ALG5: variants seen among roughly 807,000 people sequenced by gnomAD.
The protein encoded by ALG5 is ALG5 dolichyl-phosphate beta-glucosyltransferase, also known as dolichyl-phosphate beta-glucosyltransferase.
In ALG5, 26 loss-of-function variants were observed where a neutral mutation model predicts 51.8. The observed-to-expected ratio is 0.50, with a 90% CI of 0.37 to 0.70. ALG5 has a LOEUF of 0.70. ALG5 is among the 30% of genes least tolerant of loss of function. ALG5 has a pLI of 0.00. For missense variants in ALG5, 311 were observed against 399.3 expected (o/e 0.78, Z 1.88); for synonymous variants, 141 against 136.1 (o/e 1.04, Z -0.25).
chr13:36,968,815 A>T lies in ALG5; in HGVS notation c.622-3089T>A, dbSNP rs575812628. 2.0e-5 allele frequency among the ~76,000 whole-genome samples: 3 copies of T among 152,352 alleles called. No homozygotes were observed. The East Asian group carries it at 5.8e-4, about 29-fold the overall frequency. ...GGAAAGCCATGCTGCAGTTTTCTAG[A>T]CATGAGGCGGATGCATGTCTTGTGC... On this transcript the variant is annotated intron_variant, in intron 7 of 9. Transcript: ENST00000239891.
At chr13:36,967,222 C>CAAAAAAAAAAAAAAAAAA (rs1370057490) in intron 7 of ALG5, among the ~76,000 whole-genome samples, 1 of 64,196 alleles carries the variant, frequency 1.6e-5, no homozygotes. Context: ...GACTCCAACT[C>CAAAAAAAAAAAAAAAAAA]AAAAAAAAAA....
At chr13:36,999,359 GC>G (rs2059074773), upstream of ALG5, 1 of 1,436,450 alleles carries the variant, frequency 7.0e-7, no homozygotes, top group African/African-American at 1.5e-5. Flanking sequence ...AAGCGCGCCC[GC>G]GCGACCCGGC....
intron 1 of ALG5, among the ~76,000 whole-genome samples, chr13:36,997,666 C>A (rs1208491842): frequency 6.6e-6 from 1 of 151,832 alleles, no homozygotes; most frequent in East Asian, 1.9e-4. Flanking sequence ...TTTGAAATCA[C>A]AGAATAAATT....
At chr13:36,992,022 G>GT (rs1232239702) in intron 4 of ALG5, among the ~76,000 whole-genome samples, 1 of 152,172 alleles carries the variant, frequency 6.6e-6, no homozygotes, top group East Asian at 1.9e-4. Flanking sequence ...GAAGGAATGC[G>GT]TGAGACTGAA....
intron 3 of ALG5, among the ~76,000 whole-genome samples, chr13:36,994,779 C>T (rs919533416): frequency 5.3e-5 from 8 of 151,832 alleles, no homozygotes; most frequent in African/African-American, 9.7e-5. Flanking sequence ...GAAATTTTCG[C>T]TTCCTGGTTT....
chr13:36,954,643 C>G (rs1378947721), intron 8 of ALG5, among the ~76,000 whole-genome samples: 1 of 152,136 alleles, frequency 6.6e-6, no homozygotes, highest in African/African-American at 2.4e-5. Flanking sequence ...CTATACAGAG[C>G]CTTATGTTAT....
intron 1 of ALG5, 21 bp from the exon 2 acceptor site, chr13:36,995,617 C>A (rs1421239982): frequency 1.3e-6 from 2 of 1,583,996 alleles, no homozygotes; most frequent in Non-Finnish European, 1.7e-6. Context: ...ACATACATGT[C>A]TTTTACAAAA....
intron 1 of ALG5, chr13:36,998,755 G>A (rs571172245): frequency 6.5e-6 from 1 of 153,456 alleles, no homozygotes; most frequent in African/African-American, 2.4e-5. Context: ...ATTTGTAACA[G>A]ATGGCTGCCG....
At chr13:36,956,573 A>C (rs1285385632) in intron 8 of ALG5, among the ~76,000 whole-genome samples, 3 of 152,240 alleles carry the variant, frequency 2.0e-5, no homozygotes, top group Non-Finnish European at 2.9e-5. Context: ...TTATCCAATC[A>C]ACCTAAGGGT....
intron 8 of ALG5, among the ~76,000 whole-genome samples, chr13:36,960,634 T>C (rs1348347383): frequency 1.3e-5 from 2 of 151,304 alleles, no homozygotes; most frequent in Non-Finnish European, 2.9e-5. Context: ...TGCCTCAGCC[T>C]CCTGAGTAGG....
intron 8 of ALG5, among the ~76,000 whole-genome samples, chr13:36,959,030 GA>G (rs1230826596): frequency 6.6e-6 from 1 of 151,728 alleles, no homozygotes; most frequent in South Asian, 2.1e-4. Flanking sequence ...CCTTAAAAAA[GA>G]AATTCTGTCA....
At position 36,979,856 on chromosome 13, in the gene ALG5, C is replaced by A. The variant is rs567276767; in HGVS notation, c.561+5771G>T. Among the ~76,000 whole-genome samples, 6 of 152,100 alleles carry A rather than the reference C, an allele frequency of 3.9e-5. No homozygotes were observed. In the South Asian group the frequency reaches 1.2e-3, roughly 32 times the overall value. ...GAGGTCAGGAGTTCAAGACCAGCCT[C>A]GGCAACATGGTGAAACCTCATCTGC... On this transcript the variant is annotated intron_variant, in intron 6 of 9. Transcript: ENST00000239891.
Position 36,990,223 on chromosome 13 carries a change from T to G in ALG5, c.355-647A>C, listed in dbSNP as rs571889521. Among the ~76,000 whole-genome samples the G allele has an allele frequency of 2.1e-4, 32 of 152,340 alleles. No homozygotes were observed. The South Asian group carries it at 6.6e-3, about 32-fold the overall frequency. ...CTGCTTTATAATCAAAGTCGTGAGA[T>G]AGTGATCTATATTTGCCACCTGCAT... On this transcript the variant is annotated intron_variant, in intron 4 of 9. Coordinates refer to ENST00000239891, the MANE Select transcript of ALG5 (RefSeq NM_013338.5).
intron 6 of ALG5, among the ~76,000 whole-genome samples, chr13:36,978,189 G>GTT (rs34782335): frequency 0.041 from 5,174 of 124,708 alleles, 220 homozygotes; most frequent in South Asian, 0.082. Context: ...CCCCACCTTT[G>GTT]TTTTTTTTTT....
intron 8 of ALG5, among the ~76,000 whole-genome samples, chr13:36,959,344 T>C (rs1428883904): frequency 6.6e-6 from 1 of 152,130 alleles, no homozygotes; most frequent in African/African-American, 2.4e-5. Flanking sequence ...ATTGCTAAGA[T>C]AGTAAATTTC....
At chr13:36,966,760 T>G (rs948101874) in intron 7 of ALG5, among the ~76,000 whole-genome samples, 2 of 152,238 alleles carry the variant, frequency 1.3e-5, no homozygotes, top group Non-Finnish European at 2.9e-5. Flanking sequence ...ATAAGCAACC[T>G]ATTAAGAGTC....
In ALG5 at chr13:36,989,467, T is replaced by C; in HGVS notation, c.447+17A>G. 1.3e-6 allele frequency: 2 copies of C among 1,584,106 alleles called. No individual in the cohort carries two copies. Among genetic ancestry groups the C allele is most frequent in the Non-Finnish European group, 1.7e-6 (2 of 1,156,010 alleles). ...TACCTTCATATTTTAGATAAAAATG[T>C]TGAAAATATGTATTACCATTCTAAT... On this transcript the variant is annotated intron_variant, in intron 5 of 9. Coordinates refer to ENST00000239891, the MANE Select transcript of ALG5 (RefSeq NM_013338.5).
chr13:36,976,156 C>T lies in ALG5; in HGVS notation c.562-4120G>A, dbSNP rs192546833. On this transcript the variant is annotated intron_variant, in intron 6 of 9. Transcript: ENST00000239891. Reference sequence around the variant, plus strand: ...TTTAAAGAATTTTCTAGGCTGGGCACGGTAGCTTATGCCTGTAATCCTAGC... The same window carrying T: ...TTTAAAGAATTTTCTAGGCTGGGCATGGTAGCTTATGCCTGTAATCCTAGC... Among the ~76,000 whole-genome samples the T allele has an allele frequency of 3.8e-4, 58 of 151,716 alleles. No individual in the cohort carries two copies. The East Asian group carries it at 4.5e-3, about 12-fold the overall frequency.
intron 5 of ALG5, among the ~76,000 whole-genome samples, chr13:36,986,404 T>C (rs1375482031): frequency 6.6e-6 from 1 of 152,230 alleles, no homozygotes; most frequent in Non-Finnish European, 1.5e-5. Context: ...AGAAATAAAC[T>C]GCACATCAAC....
Sources: allele counts gnomAD v4.1 joint callset (sites outside exome capture counted in the v4.1 genomes callset), GRCh38; gene constraint gnomAD v4.1.1; transcripts MANE v1.5; gene names NCBI Gene and HGNC (gene_info 2026-07-23, HGNC 2026-07-21).